The following RAB27B variants were observed in gnomAD, a reference collection of about 807,000 sequenced individuals.
RAB27B encodes the protein RAB27B, member RAS oncogene family.
A neutral mutation model predicts 24.6 loss-of-function variants in RAB27B; 15 were observed. The ratio of observed to expected loss-of-function variants is 0.61; its 90% confidence interval spans 0.41 to 0.94. RAB27B has a LOEUF of 0.94. RAB27B is among the 40% of genes least tolerant of loss of function. The pLI, the probability that RAB27B is intolerant of heterozygous loss-of-function variation, is 0.00. For missense variants in RAB27B, 261 were observed against 266.8 expected (o/e 0.98, Z 0.15); for synonymous variants, 105 against 92.5 (o/e 1.14, Z -0.78).
intron 2 of RAB27B, among the ~76,000 whole-genome samples, chr18:54,780,207 C>T (rs187111022): frequency 3.5e-5 from 5 of 144,882 alleles, no homozygotes; most frequent in East Asian, 4.0e-4. Flanking sequence ...CTGCTTCCCC[C>T]TCACCGTGTC....
At chr18:54,825,173 A>G (rs751294026), upstream of RAB27B, among the ~76,000 whole-genome samples, 14 of 152,334 alleles carry the variant, frequency 9.2e-5, no homozygotes, top group Non-Finnish European at 1.8e-4. Flanking sequence ...ATTGCTCTTG[A>G]GAAATCCAAT....
intron 1 of RAB27B, among the ~76,000 whole-genome samples, chr18:54,877,365 T>C (rs555277472): frequency 6.6e-5 from 10 of 152,320 alleles, no homozygotes; most frequent in Middle Eastern, 3.4e-3. Context: ...TTAGGTGATA[T>C]GTGGTAAAAA....
intron 2 of RAB27B, among the ~76,000 whole-genome samples, chr18:54,754,627 G>A (rs969909580): frequency 6.6e-6 from 1 of 152,156 alleles, no homozygotes; most frequent in African/African-American, 2.4e-5. Context: ...TCTTGTCTAC[G>A]TAAAGGTAAA....
Position 54,771,591 on chromosome 18 carries a change from A to AGTGTGTGTGT in RAB27B, c.-20+53488_-20+53497dup, listed in dbSNP as rs36228307. On this transcript the variant is annotated intron_variant, in intron 2 of 4. Transcript: ENST00000586570. The stretch of plus-strand genomic sequence containing the variant: ...ATTATGGTGATAGAGCTGATAGTTT[A>AGTGTGTGTGT]GTGTGTGTGTGTGTGTGTGTGTGTG... Among the ~76,000 whole-genome samples the AGTGTGTGTGT allele has an allele frequency of 8.3e-5, 12 of 144,992 alleles. No homozygotes were observed. The East Asian group carries it at 1.0e-3, about 12-fold the overall frequency.
chr18:54,831,473 C>T (rs1910675263), intron 1 of RAB27B, among the ~76,000 whole-genome samples: 2 of 152,108 alleles, frequency 1.3e-5, no homozygotes, highest in Non-Finnish European at 2.9e-5. Flanking sequence ...TGACAAAACA[C>T]TATGATTTAG....
At chr18:54,848,743 C>A (rs11152021) in intron 1 of RAB27B, among the ~76,000 whole-genome samples, 99,648 of 152,026 alleles carry the variant, frequency 0.66, 35,287 homozygotes, top group East Asian at 0.92. Flanking sequence ...ACATGTAAAA[C>A]CATAAAAAGA....
chr18:54,760,903 G>A (rs1169109646), intron 2 of RAB27B, among the ~76,000 whole-genome samples: 2 of 151,968 alleles, frequency 1.3e-5, no homozygotes, highest in African/African-American at 4.8e-5. Flanking sequence ...TTAGGAAATG[G>A]GAGAATATTC....
chr18:54,813,340 T>C (rs542673974), intron 2 of RAB27B, among the ~76,000 whole-genome samples: 2 of 152,332 alleles, frequency 1.3e-5, no homozygotes, highest in South Asian at 4.1e-4. Flanking sequence ...CACAAGGGAT[T>C]TGATATGGTT....
At chr18:54,821,075 A>G (rs1910294769) in intron 2 of RAB27B, among the ~76,000 whole-genome samples, 1 of 152,146 alleles carries the variant, frequency 6.6e-6, no homozygotes, top group African/African-American at 2.4e-5. Flanking sequence ...GTATTCAGTT[A>G]GGAAAAGAGG....
chr18:54,778,047 C>G lies in RAB27B; in HGVS notation c.-20+59906C>G, dbSNP rs9950839. 5.2e-3 allele frequency among the ~76,000 whole-genome samples: 794 copies of G among 152,288 alleles called. 6 individuals carry two copies. The highest frequency in any genetic ancestry group is 0.018 in the African/African-American group (757 of 41,550). ...TTACAAGGAACAATTTACAGCTTTT[C>G]ATAATTATACATGTATGTGTAGTTT... On this transcript the variant is annotated intron_variant, in intron 2 of 4. Transcript: ENST00000586570.
intron 1 of RAB27B, among the ~76,000 whole-genome samples, chr18:54,849,566 T>C (rs1388419736): frequency 6.6e-6 from 1 of 151,914 alleles, no homozygotes; most frequent in Non-Finnish European, 1.5e-5. Context: ...CTAAAAAATA[T>C]AAAAATTAGC....
chr18:54,787,729 A>T (rs77408037), intron 2 of RAB27B, among the ~76,000 whole-genome samples: 12 of 129,916 alleles, frequency 9.2e-5, no homozygotes, highest in African/African-American at 2.5e-4. Flanking sequence ...TGACTGGATT[A>T]AAAAAAAAAA....
chr18:54,872,863 C>G (rs1423556154), intron 1 of RAB27B, among the ~76,000 whole-genome samples: 1 of 152,086 alleles, frequency 6.6e-6, no homozygotes, highest in African/African-American at 2.4e-5. Context: ...ATGTATTGAG[C>G]TCCTTCTATA....
At chr18:54,785,863 G>C (rs1909067876) in intron 2 of RAB27B, among the ~76,000 whole-genome samples, 1 of 152,132 alleles carries the variant, frequency 6.6e-6, no homozygotes, top group Non-Finnish European at 1.5e-5. Flanking sequence ...AGCCATCTAA[G>C]ACAAAACCAA....
chr18:54,738,385 G>A (rs1345837543), intron 2 of RAB27B, among the ~76,000 whole-genome samples: 1 of 152,054 alleles, frequency 6.6e-6, no homozygotes, highest in African/African-American at 2.4e-5. Context: ...CTGGATCATG[G>A]GGGTGGTTTC....
intron 2 of RAB27B, among the ~76,000 whole-genome samples, chr18:54,749,109 C>A (rs532684795): frequency 6.6e-6 from 1 of 152,218 alleles, no homozygotes; most frequent in African/African-American, 2.4e-5. Flanking sequence ...CTCTTTTCTT[C>A]TTCCTTGGTG....
chr18:54,773,489 A>G (rs1331726779), intron 2 of RAB27B, among the ~76,000 whole-genome samples: 2 of 152,200 alleles, frequency 1.3e-5, no homozygotes. Context: ...TCTATGATGC[A>G]GTATGATAGT....
At chr18:54,795,771 G>A (rs558757205) in intron 2 of RAB27B, among the ~76,000 whole-genome samples, 25 of 152,194 alleles carry the variant, frequency 1.6e-4, no homozygotes, top group South Asian at 4.2e-4. Flanking sequence ...GGTCAGTTTT[G>A]CATGTATGCA....
intron 2 of RAB27B, among the ~76,000 whole-genome samples, chr18:54,777,947 T>C (rs1246149709): frequency 6.6e-6 from 1 of 151,510 alleles, no homozygotes; most frequent in Non-Finnish European, 1.5e-5. Context: ...GGCAAAAATA[T>C]AAGGAAGCAA....
Sources: allele counts gnomAD v4.1 joint callset (sites outside exome capture counted in the v4.1 genomes callset), GRCh38; gene constraint gnomAD v4.1.1; transcripts MANE v1.5; gene names NCBI Gene and HGNC (gene_info 2026-07-23, HGNC 2026-07-21).